The following DST variants were observed in gnomAD, a reference collection of about 807,000 sequenced individuals.
DST encodes the protein bullous pemphigoid antigen.
A neutral mutation model predicts 875.2 loss-of-function variants in DST; 253 were observed. The observed-to-expected ratio is 0.29, with a 90% CI of 0.26 to 0.32. The LOEUF (loss-of-function observed/expected upper bound fraction) is 0.32. DST is among the 10% of genes least tolerant of loss of function. The probability of loss-of-function intolerance (pLI) is 1.00; values close to 1 mark genes in which losing one functional copy is unlikely to be tolerated. For synonymous variants in DST, 3,124 were observed against 3,197.1 expected (o/e 0.98, Z 0.77); for missense variants, 8,287 against 9,111.6 (o/e 0.91, Z 3.68).
At chr6:56,809,737 T>C (rs1376810286) in intron 4 of DST, among the ~76,000 whole-genome samples, 1 of 152,184 alleles carries the variant, frequency 6.6e-6, no homozygotes, top group Non-Finnish European at 1.5e-5. Context: ...CTTAATTATG[T>C]TTACCACCTT....
At chr6:56,938,279 T>A (rs1814304651) in intron 2 of DST, among the ~76,000 whole-genome samples, 1 of 151,952 alleles carries the variant, frequency 6.6e-6, no homozygotes, top group Admixed American at 6.6e-5. Context: ...GGACAACAGG[T>A]GCATACCATC....
At chr6:56,903,195 G>A (rs551335575) in intron 2 of DST, among the ~76,000 whole-genome samples, 1 of 152,150 alleles carries the variant, frequency 6.6e-6, no homozygotes, top group Non-Finnish European at 1.5e-5. Flanking sequence ...TGGTAAGAAT[G>A]TAGATTCTCT....
Position 56,624,631 on chromosome 6 carries a change from G to A in DST, c.4831-3C>T. ...TATCGAGTCCTTAGGTCCATGAACT[G>A]CAAGTAAGGAAAAAAATAATAAAAG... On this transcript the variant is annotated splice_polypyrimidine_tract_variant and splice_region_variant and intron_variant, in intron 35 of 103. Transcript: ENST00000680361. 6.3e-7 allele frequency: 1 copy of A among 1,585,642 alleles called. No individual in the cohort carries two copies. Among genetic ancestry groups the A allele is most frequent in the Non-Finnish European group, 8.7e-7 (1 of 1,154,750 alleles).
chr6:56,911,946 T>A (rs1466172557), intron 2 of DST, among the ~76,000 whole-genome samples: 1 of 152,156 alleles, frequency 6.6e-6, no homozygotes, highest in Non-Finnish European at 1.5e-5. Context: ...TTTGTGTAGA[T>A]CTATAATTTT....
chr6:56,523,091 C>A (rs1252468285), intron 69 of DST, among the ~76,000 whole-genome samples: 1 of 152,008 alleles, frequency 6.6e-6, no homozygotes, highest in Non-Finnish European at 1.5e-5. Context: ...CTGCCTTGTC[C>A]CATTCAGATT....
chr6:56,852,760 C>T (rs2127580015), intron 3 of DST, among the ~76,000 whole-genome samples: 1 of 152,344 alleles, frequency 6.6e-6, no homozygotes, highest in African/African-American at 2.4e-5. Flanking sequence ...ACTGGTATAA[C>T]TCGAATTCCT....
At chr6:56,767,047 T>C (rs2152972036) in intron 4 of DST, among the ~76,000 whole-genome samples, 1 of 152,278 alleles carries the variant, frequency 6.6e-6, no homozygotes. Flanking sequence ...AATCAATGAA[T>C]TTTCTAAAAA....
In DST at chr6:56,466,066, G is replaced by A; in HGVS notation, c.22687+12C>T. 2.6e-6 allele frequency: 4 copies of A among 1,565,480 alleles called. No homozygotes were observed. Among genetic ancestry groups the A allele is most frequent in the South Asian group, 1.1e-5 (1 of 88,386 alleles). On this transcript the variant is annotated intron_variant, in intron 99 of 103. Coordinates refer to ENST00000680361, the MANE Select transcript of DST (RefSeq NM_001374736.1). ...TACTTTCATGATGTTATCATGATAA[G>A]CATCTCCTTACCCCTGCAAGGATCA...
chr6:56,929,994 G>C (rs916411462), intron 2 of DST, among the ~76,000 whole-genome samples: 1 of 152,220 alleles, frequency 6.6e-6, no homozygotes, highest in African/African-American at 2.4e-5. Context: ...TATTCAACTT[G>C]ATTGTATTCC....
chr6:56,547,703 T>C (rs941188248), intron 61 of DST, among the ~76,000 whole-genome samples: 7 of 152,230 alleles, frequency 4.6e-5, no homozygotes, highest in African/African-American at 1.4e-4. Context: ...TCTGGATCAT[T>C]TGATAAACAC....
At chr6:56,619,536 T>A in intron 36 of DST, 1 of 1,612,838 alleles carries the variant, frequency 6.2e-7, no homozygotes, top group Non-Finnish European at 8.5e-7. Context: ...TGCTGAATAT[T>A]CTTCTCAGCT....
chr6:56,468,770 TA>T (rs1486605291), intron 98 of DST, among the ~76,000 whole-genome samples: 1 of 152,134 alleles, frequency 6.6e-6, no homozygotes, highest in East Asian at 1.9e-4. Flanking sequence ...CTGGTTTGCT[TA>T]AAAGTAATCT....
intron 2 of DST, among the ~76,000 whole-genome samples, chr6:56,923,463 C>CAAAAAAAA (rs57118743): frequency 6.2e-5 from 3 of 48,738 alleles, no homozygotes; most frequent in East Asian, 1.1e-3. Flanking sequence ...GGCTCACTGG[C>CAAAAAAAA]AAAAAAAAAA....
At chr6:56,728,425 A>G (rs985471002) in intron 5 of DST, among the ~76,000 whole-genome samples, 2 of 152,194 alleles carry the variant, frequency 1.3e-5, no homozygotes, top group South Asian at 2.1e-4. Context: ...GCAGGTTGGC[A>G]GGACATGGTG....
intron 3 of DST, among the ~76,000 whole-genome samples, chr6:56,852,742 G>C (rs1263503956): frequency 6.6e-6 from 1 of 152,228 alleles, no homozygotes; most frequent in South Asian, 2.1e-4. Context: ...TCATGGTAAA[G>C]ATGCAAAACT....
chr6:56,847,243 C>G (rs1261103545), intron 4 of DST, among the ~76,000 whole-genome samples: 1 of 152,114 alleles, frequency 6.6e-6, no homozygotes, highest in Admixed American at 6.5e-5. Context: ...TCCCTTGAGT[C>G]CAGGACTTAG....
intron 63 of DST, among the ~76,000 whole-genome samples, chr6:56,533,724 T>TA (rs1378575311): frequency 1.3e-5 from 2 of 152,198 alleles, no homozygotes; most frequent in Non-Finnish European, 2.9e-5. Context: ...GTAGACACTG[T>TA]ATTATGCAAA....
chr6:56,869,590 GA>G lies in DST; in HGVS notation c.418-17987del, dbSNP rs777320715. On this transcript the variant is annotated intron_variant, in intron 3 of 103. Transcript: ENST00000680361. ...GTCAAGCTTGTGGCTGGACAGAGAA[GA>G]AAAAAAAAAAAAACTTCATAACCAC... 4.7e-3 allele frequency among the ~76,000 whole-genome samples: 632 copies of G among 134,108 alleles called. 3 individuals are homozygous for G. The highest frequency in any genetic ancestry group is 0.015 in the East Asian group (67 of 4,542). 88.0% of individuals were successfully genotyped at this position (134,108 alleles called of 152,430 possible).
intron 2 of DST, among the ~76,000 whole-genome samples, chr6:56,906,908 GT>G (rs1562359799): frequency 5.3e-5 from 8 of 152,152 alleles, no homozygotes; most frequent in Non-Finnish European, 7.3e-5. Flanking sequence ...CCTAACAGAT[GT>G]GAGGTGATAG....
Sources: gnomAD v4.1 joint callset for allele counts (sites outside exome capture counted in the v4.1 genomes callset) on GRCh38, gnomAD v4.1.1 for gene constraint, MANE v1.5 for transcripts, NCBI Gene and HGNC (gene_info 2026-07-23, HGNC 2026-07-21) for gene names.